Variants in CDH13 observed in about 807,000 individuals in gnomAD.
CDH13 encodes cadherin 13.
A neutral mutation model predicts 63.8 loss-of-function variants in CDH13; 24 were observed. The observed-to-expected ratio is 0.38, with a 90% CI of 0.27 to 0.53. The LOEUF (loss-of-function observed/expected upper bound fraction) is 0.53, where lower values mean the gene tolerates loss of function less well. Ranked by LOEUF, CDH13 falls within the 20% of genes least tolerant of loss-of-function variation. The pLI, the probability that CDH13 is intolerant of heterozygous loss-of-function variation, is 0.85. For synonymous variants in CDH13, 503 were observed against 355.3 expected, an observed-to-expected ratio of 1.42 and a Z score of -4.67; for missense variants, 1,049 against 903.1, an observed-to-expected ratio of 1.16 and a Z score of -2.07.
chr16:83,715,032 G>T (rs1908672656), intron 10 of CDH13, among the ~76,000 whole-genome samples: 1 of 152,166 alleles, frequency 6.6e-6, no homozygotes, highest in Non-Finnish European at 1.5e-5. Context: ...GGATAAAGCA[G>T]TAGCTAGGTT....
intron 6 of CDH13, among the ~76,000 whole-genome samples, chr16:83,414,447 G>A (rs1304304224): frequency 6.6e-6 from 1 of 152,104 alleles, no homozygotes; most frequent in African/African-American, 2.4e-5. Context: ...ACACTTACCT[G>A]AGACCTTAAT....
At chr16:82,785,798 TAGC>T (rs1283370372) in intron 1 of CDH13, among the ~76,000 whole-genome samples, 12 of 152,304 alleles carry the variant, frequency 7.9e-5, no homozygotes, top group South Asian at 4.1e-4. Context: ...GCAAAAGAAA[TAGC>T]AGTCGAATAT....
chr16:83,210,637 G>A (rs1267839195), intron 4 of CDH13, among the ~76,000 whole-genome samples: 1 of 151,998 alleles, frequency 6.6e-6, no homozygotes, highest in African/African-American at 2.4e-5. Context: ...GATAGAGGTT[G>A]GCAGAGTGTG....
At position 83,555,681 on chromosome 16, in the gene CDH13, G is replaced by A. The variant is rs554360715; in HGVS notation, c.961-46773G>A. ...GAACCATTCTGACTTTTTGAGAAACGCAATCTGTTTGGGGGATAGTTTCTA... is the reference window on the plus strand; with the variant it reads ...GAACCATTCTGACTTTTTGAGAAACACAATCTGTTTGGGGGATAGTTTCTA... On this transcript the variant is annotated intron_variant, in intron 7 of 13. Coordinates refer to ENST00000567109, the MANE Select transcript of CDH13 (RefSeq NM_001257.5). Among the ~76,000 whole-genome samples, 6 of 152,292 alleles carry A rather than the reference G, an allele frequency of 3.9e-5. No homozygotes were observed. In the South Asian group the frequency reaches 1.2e-3, roughly 32 times the overall value.
rs191752204 is a variant in CDH13 at position 83,525,764 on chromosome 16, A to T, written c.960+39109A>T. Among the ~76,000 whole-genome samples, 9 of 152,342 alleles carry T rather than the reference A, an allele frequency of 5.9e-5. No individual in the cohort carries two copies. In the East Asian group the frequency reaches 1.7e-3, roughly 29 times the overall value. On this transcript the variant is annotated intron_variant, in intron 7 of 13. Transcript: ENST00000567109. ...ATCTTGGTGGATCCACTCTAATCCA[A>T]TGAGTCCTTAAAATGAAAGAATTTT...
intron 1 of CDH13, among the ~76,000 whole-genome samples, chr16:82,682,573 T>C (rs530824399): frequency 1.1e-4 from 17 of 152,278 alleles, no homozygotes; most frequent in African/African-American, 3.6e-4. Context: ...TTAATAATCA[T>C]TAAGTAAAGA....
chr16:83,415,541 C>G (rs1202671974), intron 6 of CDH13, among the ~76,000 whole-genome samples: 1 of 152,140 alleles, frequency 6.6e-6, no homozygotes, highest in African/African-American at 2.4e-5. Flanking sequence ...CTGAATCCAG[C>G]AGCACATTAA....
chr16:83,578,823 G>A (rs947163062), intron 7 of CDH13, among the ~76,000 whole-genome samples: 1 of 152,182 alleles, frequency 6.6e-6, no homozygotes, highest in African/African-American at 2.4e-5. Context: ...GGTGTCCTAT[G>A]TGTATCATTT....
Position 83,755,326 on chromosome 16 carries a change from A to G in CDH13, c.1681+7076A>G, listed in dbSNP as rs76554939. Among the ~76,000 whole-genome samples the G allele has an allele frequency of 3.3e-3, 504 of 152,316 alleles. 4 individuals are homozygous for G. The highest frequency in any genetic ancestry group is 0.012 in the African/African-American group (488 of 41,576). On this transcript the variant is annotated intron_variant, in intron 11 of 13. Coordinates refer to ENST00000567109, the MANE Select transcript of CDH13 (RefSeq NM_001257.5). ...ACGGGAAAAAATCTGCCAAAAGACTAGTGTGTGGAATTGGAGTTACAGAAG... is the reference window on the plus strand; with the variant it reads ...ACGGGAAAAAATCTGCCAAAAGACTGGTGTGTGGAATTGGAGTTACAGAAG...
Position 83,047,124 on chromosome 16 carries a change from A to G in CDH13, c.366+14906A>G, listed in dbSNP as rs1254534060. Among the ~76,000 whole-genome samples the G allele has an allele frequency of 6.6e-6, 1 of 152,212 alleles. No homozygotes were observed. The highest frequency in any genetic ancestry group is 2.4e-5 in the African/African-American group (1 of 41,446). Reference sequence around the variant, plus strand: ...CAACTTCCTTCCTTTGAAGATATAAAGCTTTAAACAGTAGTAGTTCTCCGT... The same window carrying G: ...CAACTTCCTTCCTTTGAAGATATAAGGCTTTAAACAGTAGTAGTTCTCCGT... On this transcript the variant is annotated intron_variant, in intron 3 of 13. Transcript: ENST00000567109. The surrounding 1 kb of genome is among the most constrained non-coding windows in gnomAD (Gnocchi z 4.9).
chr16:83,112,384 G>A (rs2035100043), intron 3 of CDH13, among the ~76,000 whole-genome samples: 1 of 152,192 alleles, frequency 6.6e-6, no homozygotes, highest in South Asian at 2.1e-4. Flanking sequence ...CAGAGACACA[G>A]AAAGACAGAG....
chr16:83,711,046 C>T (rs983766242), intron 10 of CDH13, among the ~76,000 whole-genome samples: 1 of 152,192 alleles, frequency 6.6e-6, no homozygotes, highest in Non-Finnish European at 1.5e-5. Flanking sequence ...TTCTGGCCAC[C>T]AGCAGAGGTG....
rs1215635244 is a variant in CDH13, at chr16:83,798,665, CA to C, written c.*3636del. Reference sequence around the variant, plus strand: ...GCCACTCTCAACCCAGGAGCAAAACCAGACAAAGTGCCTACTGCAGACCGGA... The same window carrying C: ...GCCACTCTCAACCCAGGAGCAAAACCGACAAAGTGCCTACTGCAGACCGGA... On this transcript the variant is annotated 3_prime_UTR_variant, in exon 14 of 14. Coordinates refer to ENST00000567109, the MANE Select transcript of CDH13 (RefSeq NM_001257.5). The C allele has an allele frequency of 6.6e-6, 1 of 152,196 alleles. No homozygotes were observed. Among genetic ancestry groups the C allele is most frequent in the African/African-American group, 2.4e-5 (1 of 41,444 alleles). The allele number at this position is 152,196 out of a possible 1,614,324, so 9.4% of individuals were successfully genotyped here.
rs75880373 is a variant in CDH13 at position 83,210,459 on chromosome 16, A to G, written c.484-6886A>G. Among the ~76,000 whole-genome samples, 1,330 of 152,218 alleles carry G rather than the reference A, an allele frequency of 8.7e-3. 14 individuals carry two copies. The highest frequency in any genetic ancestry group is 0.02 in the African/African-American group (814 of 41,552). ...TTGCAATTAGGACAGGAGATGGGAT[A>G]AAAGAGAAATCAGAAACATGGAGGC... On this transcript the variant is annotated intron_variant, in intron 4 of 13. Coordinates refer to ENST00000567109, the MANE Select transcript of CDH13 (RefSeq NM_001257.5).
chr16:83,310,967 C>G (rs1051287842), intron 5 of CDH13, among the ~76,000 whole-genome samples: 9 of 152,210 alleles, frequency 5.9e-5, no homozygotes, highest in Admixed American at 1.3e-4. Flanking sequence ...AAAGACCACA[C>G]AACACACACA....
At chr16:83,065,519 A>G (rs372440145) in intron 3 of CDH13, among the ~76,000 whole-genome samples, 8 of 152,098 alleles carry the variant, frequency 5.3e-5, no homozygotes, top group East Asian at 1.9e-4. Context: ...AGCCTGGCCA[A>G]CATGCTGAAA....
chr16:83,545,971 A>G (rs941470985), intron 7 of CDH13, among the ~76,000 whole-genome samples: 1 of 152,208 alleles, frequency 6.6e-6, no homozygotes, highest in Non-Finnish European at 1.5e-5. Context: ...GCATAGAGCC[A>G]TTGTTCTAGC....
At chr16:83,363,122 C>G (rs1383890158) in intron 6 of CDH13, among the ~76,000 whole-genome samples, 2 of 152,212 alleles carry the variant, frequency 1.3e-5, no homozygotes, top group African/African-American at 2.4e-5. Flanking sequence ...TGACATTTAT[C>G]TTTTAAAGTA....
At chr16:83,676,227 C>A (rs1221444472) in intron 9 of CDH13, among the ~76,000 whole-genome samples, 1 of 152,194 alleles carries the variant, frequency 6.6e-6, no homozygotes, top group Non-Finnish European at 1.5e-5. Context: ...TCCCCAGAAA[C>A]CCCACTATCC....
Sources: gnomAD v4.1 joint callset for allele counts (sites outside exome capture counted in the v4.1 genomes callset) on GRCh38, gnomAD v4.1.1 for gene constraint, Gnocchi (gnomAD v3.1) non-coding constraint, MANE v1.5 for transcripts, NCBI Gene and HGNC (gene_info 2026-07-23, HGNC 2026-07-21) for gene names.